CFAP97: variants seen among roughly 807,000 people sequenced by gnomAD.
CFAP97 encodes cilia- and flagella-associated protein 97.
CFAP97 carries 36 observed loss-of-function variants against 43.1 expected under a neutral mutation model. The ratio of observed to expected loss-of-function variants is 0.84; its 90% CI spans 0.64 to 1.10. The LOEUF (loss-of-function observed/expected upper bound fraction) is 1.10, where lower values mean the gene tolerates loss of function less well. CFAP97 is among the 50% of genes least tolerant of loss of function. The probability of loss-of-function intolerance (pLI) is 0.00; values close to 1 mark genes in which losing one functional copy is unlikely to be tolerated. For synonymous variants in CFAP97, 228 were observed against 225.7 expected (o/e 1.01, Z -0.09); for missense variants, 657 against 620.3 (o/e 1.06, Z -0.63).
In CFAP97 at chr4:185,159,776, T is replaced by C. The variant is rs143135869; in HGVS notation, c.*3022A>G. ...AAAAGGATGTTAATTTTAAGTTTCTTACTAATCTTTCCTCATAGAAATAAA... is the reference window on the plus strand; with the variant it reads ...AAAAGGATGTTAATTTTAAGTTTCTCACTAATCTTTCCTCATAGAAATAAA... On this transcript the variant is annotated 3_prime_UTR_variant, in exon 5 of 5. Coordinates refer to ENST00000458385, the MANE Select transcript of CFAP97 (RefSeq NM_020827.3). 7.9e-5 allele frequency: 12 copies of C among 152,360 alleles called. 1 individual carries two copies. The East Asian group carries it at 2.3e-3, about 29-fold the overall frequency. The allele number at this position is 152,360 out of a possible 1,614,324, so 9.4% of individuals were successfully genotyped here. A position where few individuals can be genotyped will look rare whatever the true frequency, so the allele number is the denominator to read the frequency against.
chr4:185,169,299 T>G (rs1445765983), intron 3 of CFAP97: 2 of 152,242 alleles, frequency 1.3e-5, no homozygotes, highest in African/African-American at 4.8e-5. Flanking sequence ...GATTGGATCA[T>G]GGGGGTGGTT....
chr4:185,180,962 T>C (rs1457771648), intron 2 of CFAP97, among the ~76,000 whole-genome samples: 1 of 152,142 alleles, frequency 6.6e-6, no homozygotes, highest in African/African-American at 2.4e-5. Context: ...TTTAAAGATA[T>C]TAATTCCTCT....
chr4:185,209,906 C>G (rs1737467089), upstream of CFAP97: 1 of 983,160 alleles, frequency 1.0e-6, no homozygotes, highest in Non-Finnish European at 1.2e-6. The surrounding 1 kb of genome is among the most constrained non-coding windows in gnomAD (Gnocchi z 5.2). Context: ...CGTCCTGTCT[C>G]GGGCTTCAGG....
intron 3 of CFAP97, among the ~76,000 whole-genome samples, chr4:185,171,823 A>G (rs1579234172): frequency 6.6e-6 from 1 of 152,056 alleles, no homozygotes; most frequent in Non-Finnish European, 1.5e-5. Context: ...TGCAGCCTTG[A>G]CCTCCCAGGC....
chr4:185,178,485 T>C (rs1735649800), intron 2 of CFAP97, among the ~76,000 whole-genome samples: 1 of 151,998 alleles, frequency 6.6e-6, no homozygotes, highest in Admixed American at 6.6e-5. Context: ...CCTCAGGTGA[T>C]CCACCTGCCT....
chr4:185,188,582 G>A (rs950106652), intron 2 of CFAP97, among the ~76,000 whole-genome samples: 4 of 152,098 alleles, frequency 2.6e-5, no homozygotes, highest in East Asian at 1.9e-4. Flanking sequence ...GACCTCAAGC[G>A]ATCTGCCCAC....
chr4:185,208,800 AT>A (rs1737325905), upstream of CFAP97, among the ~76,000 whole-genome samples: 2 of 152,244 alleles, frequency 1.3e-5, no homozygotes, highest in Admixed American at 6.5e-5. Flanking sequence ...CAAAAGCTAC[AT>A]CTGCTTCTTT....
At chr4:185,194,869 T>C (rs1304610765) in intron 1 of CFAP97, among the ~76,000 whole-genome samples, 1 of 152,238 alleles carries the variant, frequency 6.6e-6, no homozygotes, top group African/African-American at 2.4e-5. Flanking sequence ...GTTCCATTAC[T>C]GTTACCATAA....
chr4:185,192,572 A>G (rs896731975), intron 1 of CFAP97, among the ~76,000 whole-genome samples: 2 of 151,856 alleles, frequency 1.3e-5, no homozygotes, highest in Non-Finnish European at 1.5e-5. Flanking sequence ...AATACTCCAT[A>G]CAGTTAAATT....
chr4:185,201,652 A>C (rs1199681833), intron 1 of CFAP97, among the ~76,000 whole-genome samples: 2 of 152,240 alleles, frequency 1.3e-5, no homozygotes, highest in African/African-American at 4.8e-5. Context: ...TACCCTTAAC[A>C]GACCACGGTA....
rs113459393 is a variant in CFAP97, at chr4:185,176,109, C to CTT, written c.1055-60_1055-59dup. On this transcript the variant is annotated intron_variant, in intron 2 of 4. Transcript: ENST00000458385. ...GGCCAAAGTAAGTATGTGGTACATG[C>CTT]TTTTTTTTTTTTTCTCTTTTTAGAC... 1.2e-3 allele frequency: 1,277 copies of CTT among 1,029,380 alleles called. 2 individuals carry two copies. The highest frequency in any genetic ancestry group is 3.2e-3 in the Middle Eastern group (11 of 3,486). The allele number at this position is 1,029,380 out of a possible 1,614,324, so 63.8% of individuals were successfully genotyped here. A position where few individuals can be genotyped will look rare whatever the true frequency, so the allele number is the denominator to read the frequency against.
chr4:185,208,161 TGC>T (rs1453929686), upstream of CFAP97, among the ~76,000 whole-genome samples: 1 of 151,974 alleles, frequency 6.6e-6, no homozygotes, highest in East Asian at 2.0e-4. Flanking sequence ...CAAGCTGGAG[TGC>T]AATGGCGCGA....
At chr4:185,195,857 G>C (rs1425122030) in intron 1 of CFAP97, among the ~76,000 whole-genome samples, 1 of 151,992 alleles carries the variant, frequency 6.6e-6, no homozygotes, top group East Asian at 1.9e-4. Flanking sequence ...ACCTTTTTTT[G>C]TGAGATAATT....
At chr4:185,178,095 C>T (rs1735625423) in intron 2 of CFAP97, among the ~76,000 whole-genome samples, 1 of 151,946 alleles carries the variant, frequency 6.6e-6, no homozygotes, top group Non-Finnish European at 1.5e-5. Context: ...TTTAGAGAAA[C>T]AGACTTAGAT....
chr4:185,198,959 C>A (rs894158555), intron 1 of CFAP97, among the ~76,000 whole-genome samples: 1 of 152,164 alleles, frequency 6.6e-6, no homozygotes, highest in Non-Finnish European at 1.5e-5. Context: ...ATTTTCATAG[C>A]TAGAGGGAGA....
chr4:185,203,854 C>T (rs149134676), intron 1 of CFAP97, 44 bp downstream of exon 1: 5,944 of 151,882 alleles, frequency 0.039, 188 homozygotes, highest in East Asian at 0.14. Flanking sequence ...GCGTGGCGGG[C>T]GCCCCGCGAG....
chr4:185,200,125 G>A (rs1736757757), intron 1 of CFAP97, among the ~76,000 whole-genome samples: 1 of 152,206 alleles, frequency 6.6e-6, no homozygotes, highest in Non-Finnish European at 1.5e-5. Flanking sequence ...ACATCAACAA[G>A]AGTTTGGAAG....
chr4:185,172,850 C>CAAAAAAAA (rs1159858914), intron 3 of CFAP97, among the ~76,000 whole-genome samples: 1 of 52,750 alleles, frequency 1.9e-5, no homozygotes, highest in South Asian at 4.9e-4. Context: ...CCCATCTCTA[C>CAAAAAAAA]AAAAAAAAAA....
At position 185,190,294 on chromosome 4, in the gene CFAP97, A is replaced by T. The variant is rs757385180; in HGVS notation, c.903T>A (p.Asn301Lys). Reference protein sequence around the residue: ...IYEDVEDLKNNSKYLKAAKKG... With the variant: ...IYEDVEDLKNKSKYLKAAKKG... ...TTTTGGCTGCTTTCAAATATTTTGAATTATTTTTCAAATCCTCAACATCTT... is the reference window on the plus strand; with the variant it reads ...TTTTGGCTGCTTTCAAATATTTTGATTTATTTTTCAAATCCTCAACATCTT... Residue 301 changes from asparagine (N) to lysine (K), a missense_variant, in exon 2 of 5, where the codon AAT (asparagine) becomes AAA (lysine). Asn to Lys is a moderately conservative substitution (Grantham distance 94). Coordinates refer to ENST00000458385, the MANE Select transcript of CFAP97 (RefSeq NM_020827.3). 1 of 1,609,106 alleles carries T rather than the reference A, an allele frequency of 6.2e-7. No individual in the cohort carries two copies. The highest frequency in any genetic ancestry group is 8.5e-7 in the Non-Finnish European group (1 of 1,176,964).
Sources: allele counts gnomAD v4.1 joint callset (sites outside exome capture counted in the v4.1 genomes callset), GRCh38; gene constraint gnomAD v4.1.1; non-coding constraint Gnocchi (gnomAD v3.1); transcripts MANE v1.5; gene names NCBI Gene and HGNC (gene_info 2026-07-23, HGNC 2026-07-21).